TRIM65: variants seen among roughly 807,000 people sequenced by gnomAD.
The protein encoded by TRIM65 is E3 ubiquitin-protein ligase TRIM65.
A neutral mutation model predicts 36.1 loss-of-function variants in TRIM65; 46 were observed. That is an observed-to-expected ratio of 1.27 (90% confidence interval 1.01 to 1.63). The LOEUF is 1.63. TRIM65 is among the 40% of genes most tolerant of loss of function. The pLI is 0.00. For synonymous variants in TRIM65, 346 were observed against 313.6 expected (o/e 1.10, Z -1.09); for missense variants, 708 against 696.6 (o/e 1.02, Z -0.18).
In TRIM65 at chr17:75,891,360, G is replaced by A; in HGVS notation, c.986-13C>T. ...AGATTGCGATAATCTGTTGGGGAAA[G>A]GAGGACAGCAGTGGGCTGGGGGAAG... On this transcript the variant is annotated splice_polypyrimidine_tract_variant and intron_variant, in intron 5 of 5. Coordinates refer to ENST00000269383, the MANE Select transcript of TRIM65 (RefSeq NM_173547.4). 1 of 1,612,850 alleles carries A rather than the reference G, an allele frequency of 6.2e-7. No individual in the cohort carries two copies. The highest frequency in any genetic ancestry group is 8.5e-7 in the Non-Finnish European group (1 of 1,179,588).
At position 75,882,989 on chromosome 17, in the gene TRIM65, A is replaced by AC. The variant is rs200168942; in HGVS notation, c.350-2361_350-2360insG. On this transcript the variant is annotated intron_variant, in intron 4 of 4. Coordinates refer to the TRIM65 transcript ENST00000591668. The stretch of plus-strand genomic sequence containing the variant: ...TAAGACCCTGTCTCTGGAAAAAAAA[A>AC]AAACAAAAACAAAAAGCAATCCGGT... Among the ~76,000 whole-genome samples the AC allele has an allele frequency of 2.8e-3, 423 of 149,690 alleles. 32 individuals are homozygous for AC. Among genetic ancestry groups the AC allele is most frequent in the African/African-American group, 0.01 (400 of 39,402 alleles).
At position 75,890,931 on chromosome 17, in the gene TRIM65, C is replaced by A. The variant is rs1467876783; in HGVS notation, c.1402G>T (p.Glu468Ter). The change falls in exon 6 of 6, where the codon GAG becomes TAG. Residue 468 changes from glutamate to a stop codon, truncating the protein, a stop_gained. Transcript: ENST00000269383. LOFTEE classifies it low-confidence loss of function (END_TRUNC). The stretch of plus-strand genomic sequence containing the variant: ...GTGTACAGGGGCTGGGTCTGGGGCT[C>A]CAGGCTGTAGAAGGTGAGGCAGCCT... The part of the protein sequence containing the change: ...ASGCLTFYSL[E>*]PQTQPLYTFH... 1 of 1,554,264 alleles carries A rather than the reference C, an allele frequency of 6.4e-7. No individual in the cohort carries two copies. Among genetic ancestry groups the A allele is most frequent in the African/African-American group, 1.4e-5 (1 of 73,032 alleles).
At chr17:75,882,401 G>A (rs2065174278) in intron 4 of TRIM65, among the ~76,000 whole-genome samples, 1 of 150,438 alleles carries the variant, frequency 6.6e-6, no homozygotes, top group South Asian at 2.1e-4. Context: ...TGGCGATGGG[G>A]TTTCACCATG....
chr17:75,886,241 G>T (rs1217210422), downstream of TRIM65, among the ~76,000 whole-genome samples: 2 of 152,096 alleles, frequency 1.3e-5, no homozygotes, highest in Non-Finnish European at 2.9e-5. Context: ...CCTCTTTCCT[G>T]GCTAGGCGCG....
In TRIM65 at chr17:75,883,526, G is replaced by GTTTT. The variant is rs58142876; in HGVS notation, c.350-2901_350-2898dup. Among the ~76,000 whole-genome samples the GTTTT allele has an allele frequency of 4.0e-4, 47 of 118,336 alleles. 1 individual carries two copies. The highest frequency in any genetic ancestry group is 4.9e-4 in the African/African-American group (14 of 28,812). 77.6% of individuals were successfully genotyped at this position (118,336 alleles called of 152,430 possible). On this transcript the variant is annotated intron_variant, in intron 4 of 4. Transcript: ENST00000591668. ...TTTTTTTCTCACTGTCTCTGAACAA[G>GTTTT]TTTTTTTTTTTTTTTTTTTGAGACG...
In TRIM65 at chr17:75,892,445, T is replaced by C; in HGVS notation, c.566A>G (p.Gln189Arg). 6.2e-7 allele frequency: 1 copy of C among 1,614,112 alleles called. No homozygotes were observed. The highest frequency in any genetic ancestry group is 8.5e-7 in the Non-Finnish European group (1 of 1,180,000). ...TGTCGTGTGCTGTATTTCCAGGGCCTGTAGCAGGCTGCTGAACTTGCCGGA... is the reference window on the plus strand; with the variant it reads ...TGTCGTGTGCTGTATTTCCAGGGCCCGTAGCAGGCTGCTGAACTTGCCGGA... ...WVSGKFSSLL[Q>R]ALEIQHTTAL... is the part of the protein sequence containing the mutation. The change falls in exon 3 of 6, where the codon CAG (glutamine) becomes CGG (arginine). Residue 189 changes from glutamine (Q) to arginine (R), a missense_variant. Gln to Arg is a conservative substitution (Grantham distance 43). Transcript: ENST00000269383.
rs369736293 is a variant in TRIM65 at position 75,894,002 on chromosome 17, C to T, written c.415-1152G>A. 2.4e-4 allele frequency among the ~76,000 whole-genome samples: 37 copies of T among 152,314 alleles called. No individual in the cohort carries two copies. The South Asian group carries it at 6.8e-3, about 28-fold the overall frequency. ...GCTTCAGCAGCTACAAGGAATGTCC[C>T]GCAACACTCTGGAGCCCTTTTCCTT... On this transcript the variant is annotated intron_variant, in intron 1 of 5. Transcript: ENST00000269383.
chr17:75,894,526 T>C (rs1424451059), intron 1 of TRIM65, among the ~76,000 whole-genome samples: 1 of 152,168 alleles, frequency 6.6e-6, no homozygotes, highest in Non-Finnish European at 1.5e-5. Context: ...AGCTCCAGCT[T>C]GGAACCTTCT....
chr17:75,882,850 TCAAA>T (rs1343742947), intron 4 of TRIM65, among the ~76,000 whole-genome samples: 2 of 149,574 alleles, frequency 1.3e-5, no homozygotes, highest in East Asian at 1.9e-4. Flanking sequence ...AGGAAAAAAA[TCAAA>T]CAAAAACAAG....
In TRIM65 at chr17:75,893,184, C is replaced by A. The variant is rs537871520; in HGVS notation, c.415-334G>T. ...CCTGTCCTCTCTGGGCCTAACCCCC[C>A]ACCCATCAATACAGGAAAGCGATAA... On this transcript the variant is annotated intron_variant, in intron 1 of 5. Transcript: ENST00000269383. Among the ~76,000 whole-genome samples the A allele has an allele frequency of 3.3e-5, 5 of 152,348 alleles. No homozygotes were observed. In the East Asian group the frequency reaches 5.8e-4, roughly 18 times the overall value.
downstream of TRIM65, among the ~76,000 whole-genome samples, chr17:75,885,235 C>CT (rs996071595): frequency 7.1e-4 from 108 of 152,218 alleles, 1 homozygote; most frequent in East Asian, 3.1e-3. Context: ...CCCAGGTTCC[C>CT]TTTTTTAACT....
At chr17:75,886,420 G>C (rs2144019079), downstream of TRIM65, among the ~76,000 whole-genome samples, 1 of 151,662 alleles carries the variant, frequency 6.6e-6, no homozygotes, top group Admixed American at 6.6e-5. Context: ...TACTCAGGAG[G>C]CTGAGGCAGG....
At chr17:75,891,747 A>AGCACACACAGGCACTTCCTTGCACAC (rs1459838446) in intron 5 of TRIM65, 66 bp downstream of exon 5, 5 of 1,021,792 alleles carry the variant, frequency 4.9e-6, no homozygotes, top group Non-Finnish European at 4.0e-6. Context: ...ACGTGCTCAC[A>AGCACACACAGGCACTTCCTTGCACAC]GCACACACAG....
chr17:75,889,238 TAG>T lies in TRIM65; in HGVS notation c.*1539_*1540del, dbSNP rs1385880391. 1.3e-5 allele frequency: 2 copies of T among 152,096 alleles called. No individual in the cohort carries two copies. Among genetic ancestry groups the T allele is most frequent in the Non-Finnish European group, 1.5e-5 (1 of 68,022 alleles). 9.4% of individuals were successfully genotyped at this position (152,096 alleles called of 1,614,324 possible). ...GCCCGGCTAATTTTTGTATTTTTAGTAGAGACGGGGTTTTGCCTTGTTGGCCA... is the reference window on the plus strand; with the variant it reads ...GCCCGGCTAATTTTTGTATTTTTAGTAGACGGGGTTTTGCCTTGTTGGCCA... On this transcript the variant is annotated 3_prime_UTR_variant, in exon 6 of 6. Coordinates refer to ENST00000269383, the MANE Select transcript of TRIM65 (RefSeq NM_173547.4).
In TRIM65 at chr17:75,896,404, G is replaced by C. The variant is rs773428131; in HGVS notation, c.414+120C>G. The C allele has an allele frequency of 2.6e-4, 318 of 1,218,212 alleles. 1 individual carries two copies. The highest frequency in any genetic ancestry group is 3.5e-4 in the Admixed American group (8 of 22,972). 75.5% of individuals were successfully genotyped at this position (1,218,212 alleles called of 1,614,324 possible). ...CCCAGGTTGGGAGAAGCCCCTTACA[G>C]ATGAGGCTCCCCGCCCCCGCCGGGT... On this transcript the variant is annotated intron_variant, in intron 1 of 5. Transcript: ENST00000269383.
intron 4 of TRIM65, among the ~76,000 whole-genome samples, chr17:75,883,683 A>T (rs2065184860): frequency 6.6e-6 from 1 of 151,278 alleles, no homozygotes; most frequent in Non-Finnish European, 1.5e-5. Flanking sequence ...GCCTGCCACC[A>T]CGCCTGGCTA....
exon 5 of TRIM65, chr17:75,880,348 T>A (rs1567837601): frequency 6.7e-6 from 1 of 149,296 alleles, no homozygotes; most frequent in Non-Finnish European, 1.5e-5. Flanking sequence ...TTTTTTTTTT[T>A]TTTAGGGAGT....
At position 75,890,677 on chromosome 17, in the gene TRIM65, A is replaced by T; in HGVS notation, c.*102T>A. ...CTCCCATCTCTTTCTGAGTTAACAGAGAGGCCAACAGCTGGTCCTCCAGTC... is the reference window on the plus strand; with the variant it reads ...CTCCCATCTCTTTCTGAGTTAACAGTGAGGCCAACAGCTGGTCCTCCAGTC... On this transcript the variant is annotated 3_prime_UTR_variant, in exon 6 of 6. Transcript: ENST00000269383. 2 of 1,018,860 alleles carry T rather than the reference A, an allele frequency of 2.0e-6. No individual in the cohort carries two copies. Among genetic ancestry groups the T allele is most frequent in the South Asian group, 4.0e-5 (2 of 49,672 alleles). The allele number at this position is 1,018,860 out of a possible 1,614,324, so 63.1% of individuals were successfully genotyped here. A position where few individuals can be genotyped will look rare whatever the true frequency, so the allele number is the denominator to read the frequency against.
At chr17:75,884,267 A>G (rs1211521304), downstream of TRIM65, among the ~76,000 whole-genome samples, 1 of 151,954 alleles carries the variant, frequency 6.6e-6, no homozygotes, top group Non-Finnish European at 1.5e-5. Flanking sequence ...GGACCAGCCT[A>G]ACCAACATGG....
Sources: gnomAD v4.1 joint callset for allele counts (sites outside exome capture counted in the v4.1 genomes callset) on GRCh38, gnomAD v4.1.1 for gene constraint, MANE v1.5 for transcripts, NCBI Gene and HGNC (gene_info 2026-07-23, HGNC 2026-07-21) for gene names.